ANO4: variants seen among roughly 807,000 people sequenced by gnomAD.
The protein encoded by ANO4 is anoctamin 4.
A neutral mutation model predicts 141.9 loss-of-function variants in ANO4; 69 were observed. The ratio of observed to expected loss-of-function variants is 0.49; its 90% CI spans 0.40 to 0.59. The LOEUF is 0.59. Ranked by LOEUF, ANO4 falls within the 20% of genes least tolerant of loss-of-function variation. ANO4 has a pLI of 0.00. For missense variants in ANO4, 894 were observed against 1,162.2 expected (o/e 0.77, Z 3.36); for synonymous variants, 350 against 394.3 (o/e 0.89, Z 1.33).
At chr12:100,724,913 C>A (rs1454825143) in intron 1 of ANO4, among the ~76,000 whole-genome samples, 1 of 152,228 alleles carries the variant, frequency 6.6e-6, no homozygotes, top group African/African-American at 2.4e-5. Flanking sequence ...AAGTGAACTA[C>A]ATTTTTTTCT....
intron 24 of ANO4, 121 bp from the exon 25 acceptor site, chr12:101,116,558 A>T: frequency 1.4e-6 from 2 of 1,397,026 alleles, no homozygotes; most frequent in South Asian, 2.5e-5. Context: ...CCTGGTTGAC[A>T]AGGAAGGGCC....
chr12:100,783,390 T>C (rs952931921), intron 3 of ANO4, among the ~76,000 whole-genome samples: 1 of 152,210 alleles, frequency 6.6e-6, no homozygotes, highest in Admixed American at 6.5e-5. Context: ...TTTCATTCAA[T>C]CCAAGTATTC....
At chr12:100,898,435 G>A (rs1330091956) in intron 1 of ANO4, among the ~76,000 whole-genome samples, 1 of 152,116 alleles carries the variant, frequency 6.6e-6, no homozygotes, top group African/African-American at 2.4e-5. Flanking sequence ...GTACTTTGAG[G>A]ACCCTTAATT....
At chr12:100,743,619 G>A (rs917688253) in intron 3 of ANO4, among the ~76,000 whole-genome samples, 15 of 151,830 alleles carry the variant, frequency 9.9e-5, no homozygotes, top group African/African-American at 2.9e-4. Flanking sequence ...CAAAAATAAG[G>A]CATGAAAGGT....
chr12:101,021,426 A>G (rs2046524252), intron 9 of ANO4, among the ~76,000 whole-genome samples: 1 of 152,204 alleles, frequency 6.6e-6, no homozygotes, highest in East Asian at 1.9e-4. Context: ...TGTCCCTCCC[A>G]GTGTCTTCTG....
At chr12:101,013,104 C>G (rs2046167821) in intron 8 of ANO4, among the ~76,000 whole-genome samples, 1 of 152,124 alleles carries the variant, frequency 6.6e-6, no homozygotes, top group African/African-American at 2.4e-5. Context: ...CCATTTGACC[C>G]AGCAGTGCCC....
In ANO4 at chr12:100,872,529, G is replaced by A. The variant is rs78693793; in HGVS notation, c.-140-29117G>A. 5.6e-3 allele frequency among the ~76,000 whole-genome samples: 846 copies of A among 152,248 alleles called. 9 individuals carry two copies. Among genetic ancestry groups the A allele is most frequent in the Non-Finnish European group, 9.9e-3 (674 of 68,022 alleles). On this transcript the variant is annotated intron_variant, in intron 1 of 27. Coordinates refer to ENST00000392977, the MANE Select transcript of ANO4 (RefSeq NM_001286615.2). ...ATGATTAGCTATGGGATTAACATACGTTTTCAGCTAAGCAAGTCATTAAAA... is the reference window on the plus strand; with the variant it reads ...ATGATTAGCTATGGGATTAACATACATTTTCAGCTAAGCAAGTCATTAAAA...
At chr12:100,961,565 T>C (rs1566061097) in intron 5 of ANO4, among the ~76,000 whole-genome samples, 1 of 152,312 alleles carries the variant, frequency 6.6e-6, no homozygotes, top group South Asian at 2.1e-4. Context: ...ATAGAAATAA[T>C]GTAATTTAAA....
chr12:100,883,848 T>A (rs2135964676), intron 1 of ANO4, among the ~76,000 whole-genome samples: 1 of 152,354 alleles, frequency 6.6e-6, no homozygotes, highest in South Asian at 2.1e-4. Flanking sequence ...CAAATCCTTT[T>A]GCTAAATAAG....
At chr12:100,808,943 T>C (rs2035230512) in intron 1 of ANO4, among the ~76,000 whole-genome samples, 1 of 152,230 alleles carries the variant, frequency 6.6e-6, no homozygotes, top group Non-Finnish European at 1.5e-5. Context: ...ATCATTGTCT[T>C]ATATTAATTC....
chr12:100,886,934 C>T (rs558385216), intron 1 of ANO4, among the ~76,000 whole-genome samples: 20 of 152,316 alleles, frequency 1.3e-4, no homozygotes, highest in Middle Eastern at 3.4e-3. Flanking sequence ...CTGGCAAGAA[C>T]GATCTCCTCT....
chr12:100,970,158 T>C (rs978235880), intron 5 of ANO4, among the ~76,000 whole-genome samples: 8 of 152,190 alleles, frequency 5.3e-5, no homozygotes, highest in African/African-American at 1.9e-4. Context: ...ATCTTTTGGC[T>C]CCCTTCATCT....
At chr12:100,728,325 G>A (rs2031229629) in intron 1 of ANO4, among the ~76,000 whole-genome samples, 4 of 152,210 alleles carry the variant, frequency 2.6e-5, no homozygotes, top group South Asian at 2.1e-4. Flanking sequence ...ACACTTTTTC[G>A]CTAAGCAGTC....
chr12:100,853,303 A>G (rs2037982250), intron 1 of ANO4, among the ~76,000 whole-genome samples: 1 of 152,096 alleles, frequency 6.6e-6, no homozygotes, highest in Admixed American at 6.6e-5. Flanking sequence ...ATATTATATA[A>G]TTTACCATTC....
chr12:100,988,889 G>GAAAAAAAA (rs57790317), intron 8 of ANO4, among the ~76,000 whole-genome samples: 5 of 78,732 alleles, frequency 6.4e-5, no homozygotes, highest in Admixed American at 2.6e-4. Flanking sequence ...AAAAAAAAAA[G>GAAAAAAAA]AAAGAAAAAC....
chr12:100,809,678 T>G (rs74877854), intron 1 of ANO4, among the ~76,000 whole-genome samples: 3,115 of 152,274 alleles, frequency 0.02, 107 homozygotes, highest in African/African-American at 0.07. Context: ...AGCTGCCAGA[T>G]CTCAAAGGCT....
intron 9 of ANO4, among the ~76,000 whole-genome samples, chr12:101,035,788 G>T (rs1324132128): frequency 6.6e-6 from 1 of 152,180 alleles, no homozygotes; most frequent in Admixed American, 6.5e-5. Flanking sequence ...TCACTTATAA[G>T]TGGGAGTTAA....
At chr12:101,107,772 G>A (rs2050507061) in intron 22 of ANO4, among the ~76,000 whole-genome samples, 1 of 152,078 alleles carries the variant, frequency 6.6e-6, no homozygotes, top group Admixed American at 6.6e-5. Flanking sequence ...GATGAGTGAT[G>A]GGGTTGAACC....
At chr12:100,815,535 A>G (rs11837355) in intron 1 of ANO4, among the ~76,000 whole-genome samples, 13,407 of 152,154 alleles carry the variant, frequency 0.088, 1,048 homozygotes, top group East Asian at 0.29. Flanking sequence ...TTCATTTACT[A>G]TACTGCCATT....
Sources: allele counts gnomAD v4.1 joint callset (sites outside exome capture counted in the v4.1 genomes callset), GRCh38; gene constraint gnomAD v4.1.1; transcripts MANE v1.5; gene names NCBI Gene and HGNC (gene_info 2026-07-23, HGNC 2026-07-21).